The following ALDH1A2 variants were observed in gnomAD, a reference collection of about 807,000 sequenced individuals.
The protein encoded by ALDH1A2 is retinal dehydrogenase 2.
In ALDH1A2, 27 loss-of-function variants were observed where a neutral mutation model predicts 60.3. The observed-to-expected ratio is 0.45, with a 90% CI of 0.33 to 0.62. The LOEUF (loss-of-function observed/expected upper bound fraction) is 0.62. Ranked by LOEUF, ALDH1A2 falls within the 20% of genes least tolerant of loss-of-function variation. The pLI is 0.02. For missense variants in ALDH1A2, 581 were observed against 643.8 expected (o/e 0.90, Z 1.06); for synonymous variants, 289 against 232.4 (o/e 1.24, Z -2.21).
At position 58,005,655 on chromosome 15, in the gene ALDH1A2, T is replaced by A. The variant is rs559324909; in HGVS notation, c.493+4994A>T. On this transcript the variant is annotated intron_variant, in intron 4 of 12. Coordinates refer to ENST00000249750, the MANE Select transcript of ALDH1A2 (RefSeq NM_003888.4). ...TAGAGATGTTATGCTGGATGAACCA[T>A]GGAGTATAATTCAATGTTGTAAAGC... Among the ~76,000 whole-genome samples, 13 of 152,078 alleles carry A rather than the reference T, an allele frequency of 8.5e-5. No homozygotes were observed. The East Asian group carries it at 1.4e-3, about 16-fold the overall frequency.
chr15:58,060,168 G>T (rs554649775), intron 1 of ALDH1A2, among the ~76,000 whole-genome samples: 1 of 152,106 alleles, frequency 6.6e-6, no homozygotes, highest in African/African-American at 2.4e-5. Flanking sequence ...TGATCCACCC[G>T]CCTCAGCCTC....
At chr15:57,965,922 T>C (rs1332999715) in intron 7 of ALDH1A2, 95 bp from the exon 8 acceptor site, 4 of 931,182 alleles carry the variant, frequency 4.3e-6, no homozygotes, top group Non-Finnish European at 7.0e-6. Context: ...GATGCAACAG[T>C]AACAAACCCT....
At chr15:58,065,447 G>A (rs1225800366) in intron 1 of ALDH1A2, 87 bp downstream of exon 1, 4 of 1,184,688 alleles carry the variant, frequency 3.4e-6, no homozygotes, top group South Asian at 1.2e-5. Context: ...GCCCCGTCCC[G>A]CAGCCCTCAC....
chr15:57,990,173 T>A (rs1039506717), intron 7 of ALDH1A2: 4 of 152,200 alleles, frequency 2.6e-5, no homozygotes, highest in South Asian at 2.1e-4. Context: ...AAGATTAACA[T>A]ACCTAACCTC....
chr15:58,064,730 A>AT (rs1350285663), intron 1 of ALDH1A2, among the ~76,000 whole-genome samples: 6 of 151,824 alleles, frequency 4.0e-5, no homozygotes, highest in African/African-American at 9.7e-5. Context: ...GTAATCGATC[A>AT]TTTTTTTTCT....
At chr15:58,014,387 A>T in intron 1 of ALDH1A2, 106 bp from the exon 2 acceptor site, 1 of 876,854 alleles carries the variant, frequency 1.1e-6, no homozygotes, top group Non-Finnish European at 1.9e-6. Context: ...GTTGTATAAT[A>T]AAAGTATACA....
intron 7 of ALDH1A2, among the ~76,000 whole-genome samples, chr15:57,967,115 G>T (rs1035689950): frequency 6.6e-6 from 1 of 151,664 alleles, no homozygotes; most frequent in Non-Finnish European, 1.5e-5. Flanking sequence ...TAACGACTTC[G>T]CAGGCAGCGG....
chr15:58,004,165 G>A (rs1232208489), intron 4 of ALDH1A2, among the ~76,000 whole-genome samples: 1 of 151,830 alleles, frequency 6.6e-6, no homozygotes, highest in Non-Finnish European at 1.5e-5. Context: ...TCTAGTTGAA[G>A]GCTACCCTTT....
At chr15:58,001,449 A>T (rs1266085925) in intron 4 of ALDH1A2, among the ~76,000 whole-genome samples, 3 of 151,940 alleles carry the variant, frequency 2.0e-5, no homozygotes, top group African/African-American at 7.2e-5. Context: ...AACTTGTTAT[A>T]AAGGGAACAC....
At position 58,013,903 on chromosome 15, in the gene ALDH1A2, C is replaced by T. The variant is rs1895711216; in HGVS notation, c.318G>A (p.Leu106=). The T allele has an allele frequency of 1.2e-6, 2 of 1,614,168 alleles. No homozygotes were observed. Among genetic ancestry groups the T allele is most frequent in the Non-Finnish European group, 1.7e-6 (2 of 1,180,018 alleles). ...RMDASERGRL[L]DKLADLVERD... ...GTTCCACCAAGTCTGCAAGCTTATC[C>T]AACAGACGTCCCCTTTCTGAAGCAT... Residue 106 remains leucine, a synonymous_variant, in exon 3 of 13, where the codon TTG becomes TTA. Coordinates refer to ENST00000249750, the MANE Select transcript of ALDH1A2 (RefSeq NM_003888.4).
intron 3 of ALDH1A2, among the ~76,000 whole-genome samples, chr15:58,013,635 C>T (rs568470022): frequency 6.6e-6 from 1 of 152,070 alleles, no homozygotes; most frequent in African/African-American, 2.4e-5. Context: ...GCACGTAATC[C>T]CAGCTACTCA....
At chr15:58,021,451 T>C (rs1306953082) in intron 1 of ALDH1A2, among the ~76,000 whole-genome samples, 1 of 151,928 alleles carries the variant, frequency 6.6e-6, no homozygotes, top group South Asian at 2.1e-4. Flanking sequence ...GGGAAATGGG[T>C]GAGTGGGAGA....
chr15:57,962,158 T>C lies in ALDH1A2; in HGVS notation c.1105A>G (p.Asn369Asp). Residue 369 changes from asparagine (N) to aspartate (D), a missense_variant, in exon 10 of 13, where the codon AAC (asparagine) becomes GAC (aspartate). Around this residue, in one of 2 missense-constraint regions of ALDH1A2, gnomAD observed 375 missense variants for 469.7 expected, o/e 0.80. Coordinates refer to ENST00000249750, the MANE Select transcript of ALDH1A2 (RefSeq NM_003888.4). Reference sequence around the variant, plus strand: ...CTCTGGATGAGTTCCAAGATCTTGTTGTACTGTTTCTTATCAATCTGTGGG... The same window carrying C: ...CTCTGGATGAGTTCCAAGATCTTGTCGTACTGTTTCTTATCAATCTGTGGG... Reference protein sequence around the residue: ...QGPQIDKKQYNKILELIQSGV... With the variant: ...QGPQIDKKQYDKILELIQSGV... 1 of 1,614,156 alleles carries C rather than the reference T, an allele frequency of 6.2e-7. No individual in the cohort carries two copies. The highest frequency in any genetic ancestry group is 8.5e-7 in the Non-Finnish European group (1 of 1,180,008).
intron 7 of ALDH1A2, among the ~76,000 whole-genome samples, chr15:57,984,081 A>G (rs568386227): frequency 2.6e-5 from 4 of 152,256 alleles, no homozygotes; most frequent in Non-Finnish European, 4.4e-5. Flanking sequence ...GCTCTCCCCT[A>G]TGGGAGGGTG....
chr15:58,029,073 CCAAAT>C (rs1200415271), intron 1 of ALDH1A2, among the ~76,000 whole-genome samples: 1 of 152,162 alleles, frequency 6.6e-6, no homozygotes, highest in Non-Finnish European at 1.5e-5. Context: ...ACTCTCTACC[CCAAAT>C]CAACACAATA....
chr15:58,019,874 G>C (rs1380840133), intron 1 of ALDH1A2, among the ~76,000 whole-genome samples: 1 of 152,138 alleles, frequency 6.6e-6, no homozygotes, highest in Non-Finnish European at 1.5e-5. Context: ...ATGCAGGTTT[G>C]TTATGCATGT....
intron 7 of ALDH1A2, among the ~76,000 whole-genome samples, chr15:57,981,632 A>T (rs1306018396): frequency 6.6e-6 from 1 of 152,228 alleles, no homozygotes; most frequent in Non-Finnish European, 1.5e-5. Context: ...ATTCGCCAAA[A>T]GTCACACAGC....
rs903111240 is a variant in ALDH1A2, at chr15:57,953,944, A to T, written c.*1253T>A. The T allele has an allele frequency of 6.6e-6, 1 of 152,478 alleles. No individual in the cohort carries two copies. Among genetic ancestry groups the T allele is most frequent in the Non-Finnish European group, 1.5e-5 (1 of 68,088 alleles). The allele number at this position is 152,478 out of a possible 1,614,324, so 9.4% of individuals were successfully genotyped here. A position where few individuals can be genotyped will look rare whatever the true frequency, so the allele number is the denominator to read the frequency against. On this transcript the variant is annotated 3_prime_UTR_variant, in exon 13 of 13. Coordinates refer to ENST00000249750, the MANE Select transcript of ALDH1A2 (RefSeq NM_003888.4). Reference sequence around the variant, plus strand: ...ACTGGTGGAGTCACTGGAAAGCAGAAGAGGAGTATGTGGATGGGAAGAAAG... The same window carrying T: ...ACTGGTGGAGTCACTGGAAAGCAGATGAGGAGTATGTGGATGGGAAGAAAG...
At chr15:58,045,156 T>C (rs111546791) in intron 1 of ALDH1A2, among the ~76,000 whole-genome samples, 119 of 152,076 alleles carry the variant, frequency 7.8e-4, no homozygotes, top group Non-Finnish European at 1.3e-3. Flanking sequence ...ATGCTCATCA[T>C]TGGTCATTAG....
Sources: gnomAD v4.1 joint callset for allele counts (sites outside exome capture counted in the v4.1 genomes callset) on GRCh38, gnomAD v4.1.1 for gene constraint, gnomAD v4.1.1 regional missense constraint, MANE v1.5 for transcripts, NCBI Gene and HGNC (gene_info 2026-07-23, HGNC 2026-07-21) for gene names.